RANBP2: variants seen among roughly 807,000 people sequenced by gnomAD.
The protein encoded by RANBP2 is E3 SUMO-protein ligase RanBP2.
Under a neutral mutation model 303.6 loss-of-function variants are expected in RANBP2, and 57 were observed. That is an observed-to-expected ratio of 0.19 (90% CI 0.15 to 0.23). The LOEUF is 0.23. Ranked by LOEUF, RANBP2 falls within the 10% of genes least tolerant of loss-of-function variation. The probability of loss-of-function intolerance (pLI) is 1.00; values close to 1 mark genes in which losing one functional copy is unlikely to be tolerated. For missense variants in RANBP2, 3,138 were observed against 3,780.8 expected (o/e 0.83, Z 4.46); for synonymous variants, 1,167 against 1,301.5 (o/e 0.90, Z 2.23).
At chr2:109,276,434 G>A in the RANBP2 span, among the ~76,000 whole-genome samples, 1 of 152,318 alleles carries the variant, frequency 6.6e-6, no homozygotes, top group Non-Finnish European at 1.5e-5. Flanking sequence ...TGAAGGCTGT[G>A]ACTGTCCTCC....
At chr2:109,559,251 A>G in the RANBP2 span, among the ~76,000 whole-genome samples, 2 of 152,230 alleles carry the variant, frequency 1.3e-5, no homozygotes, top group Non-Finnish European at 2.9e-5. Context: ...AATGAGCTAC[A>G]AAAGCCTTAT....
At chr2:109,693,653 A>G in the RANBP2 span, among the ~76,000 whole-genome samples, 1 of 152,210 alleles carries the variant, frequency 6.6e-6, no homozygotes, top group Non-Finnish European at 1.5e-5. Context: ...AGGCCTCTTC[A>G]GCCATGTGGA....
chr2:109,501,631 G>T, the RANBP2 span: 2 of 776,570 alleles, frequency 2.6e-6, no homozygotes, highest in Non-Finnish European at 4.8e-6. Flanking sequence ...CGGAACGGCC[G>T]CACAGGCCTC....
At chr2:109,568,858 T>C in the RANBP2 span, among the ~76,000 whole-genome samples, 1 of 152,156 alleles carries the variant, frequency 6.6e-6, no homozygotes, top group Admixed American at 6.5e-5. Context: ...AAACTGTATG[T>C]ACTACTATCT....
the RANBP2 span, among the ~76,000 whole-genome samples, chr2:109,060,772 C>T: frequency 1.3e-5 from 2 of 152,082 alleles, no homozygotes; most frequent in Non-Finnish European, 2.9e-5. Flanking sequence ...TATGGTTTTC[C>T]TGTTGGGTCT....
At chr2:109,073,979 C>A in the RANBP2 span, among the ~76,000 whole-genome samples, 1 of 150,666 alleles carries the variant, frequency 6.6e-6, no homozygotes, top group East Asian at 1.9e-4. Context: ...AACAGCACAA[C>A]AAAAACAGGC....
chr2:109,676,187 G>A, the RANBP2 span, among the ~76,000 whole-genome samples: 4 of 152,282 alleles, frequency 2.6e-5, no homozygotes, highest in South Asian at 2.1e-4. Context: ...ATACCCATGC[G>A]CTGGGAGAAG....
At chr2:109,279,109 C>T in the RANBP2 span, among the ~76,000 whole-genome samples, 2 of 152,056 alleles carry the variant, frequency 1.3e-5, no homozygotes, top group Non-Finnish European at 2.9e-5. Flanking sequence ...ATGGCAAATC[C>T]ACGTATCACC....
the RANBP2 span, among the ~76,000 whole-genome samples, chr2:108,826,950 T>C: frequency 6.6e-6 from 1 of 152,254 alleles, no homozygotes; most frequent in African/African-American, 2.4e-5. Flanking sequence ...GTATAAGTTT[T>C]GTACTTATTT....
At chr2:109,388,356 C>A in the RANBP2 span, among the ~76,000 whole-genome samples, 1 of 152,152 alleles carries the variant, frequency 6.6e-6, no homozygotes, top group African/African-American at 2.4e-5. Flanking sequence ...AAGAAAAGTT[C>A]TTGCTGTGAA....
the RANBP2 span, among the ~76,000 whole-genome samples, chr2:109,446,722 G>A: frequency 6.6e-6 from 1 of 152,112 alleles, no homozygotes; most frequent in Non-Finnish European, 1.5e-5. Flanking sequence ...GTGGCTGAGG[G>A]GAGAGTATTA....
chr2:109,064,049 T>C, the RANBP2 span, among the ~76,000 whole-genome samples: 2 of 152,210 alleles, frequency 1.3e-5, no homozygotes, highest in Non-Finnish European at 2.9e-5. Context: ...CGAGAAGAGA[T>C]ACTATGAGTT....
chr2:108,810,108 T>C, the RANBP2 span, among the ~76,000 whole-genome samples: 3 of 152,284 alleles, frequency 2.0e-5, no homozygotes, highest in East Asian at 5.8e-4. Context: ...ACCCAGCCTG[T>C]TATTTCCAAT....
chr2:109,059,518 C>T, the RANBP2 span, among the ~76,000 whole-genome samples: 14,040 of 151,540 alleles, frequency 0.093, 1,296 homozygotes, highest in African/African-American at 0.24. Flanking sequence ...AGAGCTTGCA[C>T]TGAGCTGAGA....
the RANBP2 span, among the ~76,000 whole-genome samples, chr2:109,136,567 C>T: frequency 1.3e-5 from 2 of 152,170 alleles, no homozygotes; most frequent in African/African-American, 2.4e-5. Context: ...GCTCTCCTGG[C>T]CCTTGATGGC....
chr2:109,606,080 A>C, the RANBP2 span, among the ~76,000 whole-genome samples: 1 of 152,208 alleles, frequency 6.6e-6, no homozygotes, highest in Non-Finnish European at 1.5e-5. Context: ...CATCCAAAAA[A>C]CTAGAGATAA....
chr2:108,975,537 G>C, the RANBP2 span, among the ~76,000 whole-genome samples: 8 of 152,206 alleles, frequency 5.3e-5, no homozygotes, highest in Non-Finnish European at 1.2e-4. Flanking sequence ...GGAGTGAGAA[G>C]AGGTGGGTGG....
the RANBP2 span, among the ~76,000 whole-genome samples, chr2:109,385,502 T>G: frequency 1.3e-5 from 2 of 152,208 alleles, no homozygotes; most frequent in Non-Finnish European, 2.9e-5. Context: ...TTTGGAATAG[T>G]CTTAGGTTTC....
chr2:109,605,215 A>T, the RANBP2 span, among the ~76,000 whole-genome samples: 1 of 152,210 alleles, frequency 6.6e-6, no homozygotes, highest in Non-Finnish European at 1.5e-5. Context: ...GGCTGAATAT[A>T]ATTATACCAT....
Sources: allele counts gnomAD v4.1 joint callset (sites outside exome capture counted in the v4.1 genomes callset), GRCh38; gene constraint gnomAD v4.1.1; transcripts MANE v1.5; gene names NCBI Gene and HGNC (gene_info 2026-07-23, HGNC 2026-07-21).